The following PDE10A variants were observed in gnomAD, a reference collection of about 807,000 sequenced individuals.
PDE10A encodes cAMP and cAMP-inhibited cGMP 3',5'-cyclic phosphodiesterase 10A.
In PDE10A, 39 loss-of-function variants were observed where a neutral mutation model predicts 97.7. That is an observed-to-expected ratio of 0.40 (90% CI 0.31 to 0.52). The LOEUF (loss-of-function observed/expected upper bound fraction) is 0.52. Among genes scored for constraint, PDE10A ranks in the 20% least tolerant of loss-of-function variants. The pLI, the probability that PDE10A is intolerant of heterozygous loss-of-function variation, is 0.56. For missense variants in PDE10A, 731 were observed against 1,047.8 expected (o/e 0.70, Z 4.17); for synonymous variants, 371 against 376.8 (o/e 0.98, Z 0.18).
intron 1 of PDE10A, among the ~76,000 whole-genome samples, chr6:165,597,372 A>G (rs62426697): frequency 2.6e-5 from 4 of 152,206 alleles, no homozygotes; most frequent in Non-Finnish European, 5.9e-5. Context: ...TCAGGTTTTA[A>G]TGGAGAATTA....
chr6:165,706,828 G>T (rs781632865), intron 1 of PDE10A, among the ~76,000 whole-genome samples: 49 of 152,024 alleles, frequency 3.2e-4, no homozygotes, highest in Non-Finnish European at 5.7e-4. Flanking sequence ...AAAGAAAAGC[G>T]GATTTTTCAA....
chr6:165,681,161 A>G (rs4709957), intron 1 of PDE10A, among the ~76,000 whole-genome samples: 133,069 of 152,212 alleles, frequency 0.87, 58,334 homozygotes, highest in South Asian at 0.92. Context: ...GAGCGCTGCA[A>G]GGGGTAGTTC....
intron 1 of PDE10A, among the ~76,000 whole-genome samples, chr6:165,852,222 G>C (rs532998162): frequency 1.3e-5 from 2 of 152,330 alleles, no homozygotes; most frequent in South Asian, 2.1e-4. Context: ...CCAATGAGCA[G>C]CTCCTGTTCT....
chr6:165,974,097 T>A (rs1394655698), intron 1 of PDE10A, among the ~76,000 whole-genome samples: 1 of 152,242 alleles, frequency 6.6e-6, no homozygotes, highest in Admixed American at 6.5e-5. Flanking sequence ...TATACTGATA[T>A]CACTAGTAGC....
Position 165,887,932 on chromosome 6 carries a change from C to T in PDE10A, c.-615+99597G>A, listed in dbSNP as rs114300843. ...TCTTTCAATGGCTCACTGGGCCCTA[C>T]CTGATCTGCCTCCTCTTTGCATCTC... On this transcript the variant is annotated intron_variant, in intron 1 of 19. Transcript: ENST00000366882. 6.7e-3 allele frequency among the ~76,000 whole-genome samples: 1,023 copies of T among 152,280 alleles called. 9 individuals are homozygous for T. The highest frequency in any genetic ancestry group is 0.024 in the African/African-American group (979 of 41,534).
At chr6:165,465,988 A>G (rs901900494) in intron 3 of PDE10A, among the ~76,000 whole-genome samples, 2 of 152,220 alleles carry the variant, frequency 1.3e-5, no homozygotes, top group African/African-American at 4.8e-5. Context: ...CAAGCAGGGC[A>G]TGAGGACAGA....
chr6:165,785,586 C>T (rs1388365661), intron 1 of PDE10A, among the ~76,000 whole-genome samples: 4 of 152,208 alleles, frequency 2.6e-5, no homozygotes, highest in African/African-American at 9.7e-5. Context: ...CAAAATTTAA[C>T]AGCCTCTAAA....
chr6:165,860,584 A>G (rs1319991791), intron 1 of PDE10A, among the ~76,000 whole-genome samples: 1 of 152,260 alleles, frequency 6.6e-6, no homozygotes, highest in African/African-American at 2.4e-5. Flanking sequence ...AGGTCAGAAC[A>G]CTCACAGTTT....
intron 1 of PDE10A, among the ~76,000 whole-genome samples, chr6:165,921,585 G>A (rs1172737723): frequency 6.6e-6 from 1 of 152,224 alleles, no homozygotes; most frequent in African/African-American, 2.4e-5. Flanking sequence ...GGCCAGCTAA[G>A]CTTATGAAGA....
At chr6:165,726,674 G>A (rs1380648429) in intron 1 of PDE10A, among the ~76,000 whole-genome samples, 2 of 152,190 alleles carry the variant, frequency 1.3e-5, no homozygotes, top group Non-Finnish European at 2.9e-5. Flanking sequence ...AGTGTCCCAT[G>A]GTTAGACCCC....
chr6:165,488,747 C>T (rs770323878), intron 2 of PDE10A, among the ~76,000 whole-genome samples: 13 of 152,042 alleles, frequency 8.6e-5, no homozygotes, highest in African/African-American at 1.2e-4. Flanking sequence ...CAGTGTGTTG[C>T]GGGGCATGGT....
At chr6:165,632,993 A>G (rs1788703866) in intron 1 of PDE10A, among the ~76,000 whole-genome samples, 12 of 152,248 alleles carry the variant, frequency 7.9e-5, no homozygotes, top group Admixed American at 5.9e-4. Context: ...TGTATTTTTC[A>G]GCAACTCAAT....
intron 2 of PDE10A, among the ~76,000 whole-genome samples, chr6:165,494,288 T>C (rs1204532307): frequency 6.6e-6 from 1 of 152,084 alleles, no homozygotes; most frequent in Non-Finnish European, 1.5e-5. Flanking sequence ...AAAGTAGATC[T>C]ACCATTTGAT....
intron 2 of PDE10A, among the ~76,000 whole-genome samples, chr6:165,526,773 C>T (rs190377763): frequency 6.6e-6 from 1 of 152,338 alleles, no homozygotes; most frequent in East Asian, 1.9e-4. Flanking sequence ...ACTGACTTAG[C>T]AAATGCCTTT....
At chr6:165,942,505 G>A (rs1783561678) in intron 1 of PDE10A, among the ~76,000 whole-genome samples, 1 of 152,080 alleles carries the variant, frequency 6.6e-6, no homozygotes, top group Admixed American at 6.5e-5. Context: ...GTGCTCACCT[G>A]TGCTCGCTGC....
chr6:165,613,150 A>G (rs1787574575), intron 1 of PDE10A, among the ~76,000 whole-genome samples: 1 of 152,216 alleles, frequency 6.6e-6, no homozygotes, highest in Non-Finnish European at 1.5e-5. Context: ...ATTACATGAT[A>G]AAACAAAAGG....
intron 1 of PDE10A, among the ~76,000 whole-genome samples, chr6:165,674,999 C>T (rs1433629946): frequency 6.6e-6 from 1 of 152,190 alleles, no homozygotes; most frequent in African/African-American, 2.4e-5. Context: ...CAAACAAGAC[C>T]TTTTCTCCTG....
intron 1 of PDE10A, among the ~76,000 whole-genome samples, chr6:165,738,989 G>A (rs1363374095): frequency 6.6e-5 from 10 of 152,214 alleles, no homozygotes; most frequent in Admixed American, 3.9e-4. Context: ...AAAGAAATGG[G>A]AGAGGATACA....
intron 2 of PDE10A, among the ~76,000 whole-genome samples, chr6:165,536,172 G>A (rs186300483): frequency 2.6e-5 from 4 of 151,920 alleles, no homozygotes; most frequent in Non-Finnish European, 5.9e-5. Context: ...ATATTTTTTA[G>A]TCAACTCATT....
Sources: allele counts gnomAD v4.1 joint callset (sites outside exome capture counted in the v4.1 genomes callset), GRCh38; gene constraint gnomAD v4.1.1; transcripts MANE v1.5; gene names NCBI Gene and HGNC (gene_info 2026-07-23, HGNC 2026-07-21).